Variants in UVRAG observed in about 807,000 individuals in gnomAD.
The protein encoded by UVRAG is UV radiation resistance associated.
Under a neutral mutation model 78.0 loss-of-function variants are expected in UVRAG, and 19 were observed. The ratio of observed to expected loss-of-function variants is 0.24; its 90% CI spans 0.17 to 0.36. UVRAG has a LOEUF of 0.36. UVRAG is among the 10% of genes least tolerant of loss of function. The probability of loss-of-function intolerance (pLI) is 1.00; values close to 1 mark genes in which losing one functional copy is unlikely to be tolerated. For missense variants in UVRAG, 740 were observed against 853.8 expected (o/e 0.87, Z 1.66); for synonymous variants, 323 against 324.6 (o/e 1.00, Z 0.05).
chr11:75,945,883 C>T (rs114792086), intron 6 of UVRAG, among the ~76,000 whole-genome samples: 2,692 of 152,122 alleles, frequency 0.018, 73 homozygotes, highest in African/African-American at 0.061. Flanking sequence ...AATGTTGGCT[C>T]AGTGTTTACC....
At chr11:75,968,783 C>G (rs1230756828) in intron 7 of UVRAG, among the ~76,000 whole-genome samples, 1 of 152,100 alleles carries the variant, frequency 6.6e-6, no homozygotes, top group Non-Finnish European at 1.5e-5. Context: ...TGGAAAAATT[C>G]AAGTTAAGAA....
At chr11:75,950,896 T>C (rs559244936) in intron 6 of UVRAG, among the ~76,000 whole-genome samples, 47 of 151,968 alleles carry the variant, frequency 3.1e-4, no homozygotes, top group African/African-American at 1.1e-3. Context: ...AATTATTGGG[T>C]TGTTTATATT....
chr11:75,887,230 C>T (rs1218798065), intron 4 of UVRAG, among the ~76,000 whole-genome samples: 1 of 152,086 alleles, frequency 6.6e-6, no homozygotes, highest in Non-Finnish European at 1.5e-5. Context: ...ACTGCAACTT[C>T]CGCCTCCCGG....
At chr11:76,076,369 T>C (rs888416286) in intron 13 of UVRAG, among the ~76,000 whole-genome samples, 11 of 152,234 alleles carry the variant, frequency 7.2e-5, no homozygotes, top group African/African-American at 2.7e-4. Context: ...GCAATTTTAC[T>C]GTGTTACATG....
chr11:75,887,039 C>T (rs1402893666), intron 4 of UVRAG, among the ~76,000 whole-genome samples: 2 of 151,486 alleles, frequency 1.3e-5, no homozygotes, highest in Non-Finnish European at 2.9e-5. Flanking sequence ...GATCTCGGCT[C>T]ACTGCAAGCT....
At chr11:75,834,067 G>T (rs1945722233) in intron 1 of UVRAG, among the ~76,000 whole-genome samples, 1 of 152,080 alleles carries the variant, frequency 6.6e-6, no homozygotes, top group Non-Finnish European at 1.5e-5. Context: ...ATTTAACATC[G>T]ATACTTTAAT....
chr11:76,055,253 A>G (rs2134359311), intron 12 of UVRAG, among the ~76,000 whole-genome samples: 1 of 151,798 alleles, frequency 6.6e-6, no homozygotes, highest in African/African-American at 2.4e-5. Context: ...TTGCCATACT[A>G]CCCAAGCTGG....
At chr11:76,061,762 C>T (rs184554043) in intron 12 of UVRAG, among the ~76,000 whole-genome samples, 1 of 152,278 alleles carries the variant, frequency 6.6e-6, no homozygotes, top group Non-Finnish European at 1.5e-5. Context: ...ACACTCACCG[C>T]GAGGGTCCGC....
chr11:76,040,423 A>T (rs1950623477), intron 12 of UVRAG, among the ~76,000 whole-genome samples: 1 of 149,636 alleles, frequency 6.7e-6, no homozygotes. Context: ...CAGTGAGCCG[A>T]GATCACACCA....
chr11:76,002,084 C>T (rs1285578628), intron 8 of UVRAG, among the ~76,000 whole-genome samples: 3 of 152,126 alleles, frequency 2.0e-5, no homozygotes, highest in Non-Finnish European at 4.4e-5. Context: ...ATGTAGTATT[C>T]AGGTTGGTAA....
chr11:76,038,549 T>A (rs1950582790), intron 12 of UVRAG, among the ~76,000 whole-genome samples: 1 of 152,204 alleles, frequency 6.6e-6, no homozygotes, highest in African/African-American at 2.4e-5. Context: ...TTGAGCTTAC[T>A]TGGATTTTGG....
At chr11:75,945,861 A>G (rs923234904) in intron 6 of UVRAG, among the ~76,000 whole-genome samples, 1 of 151,824 alleles carries the variant, frequency 6.6e-6, no homozygotes, top group African/African-American at 2.4e-5. Flanking sequence ...GCTAATTCCT[A>G]CTTTTCCTTC....
intron 14 of UVRAG, among the ~76,000 whole-genome samples, chr11:76,116,438 G>A (rs994413767): frequency 2.6e-5 from 4 of 152,214 alleles, no homozygotes; most frequent in African/African-American, 9.7e-5. Flanking sequence ...TAAGGAATAG[G>A]TCAGGGGGTC....
chr11:76,063,465 T>G (rs1371031829), intron 12 of UVRAG, among the ~76,000 whole-genome samples: 1 of 152,260 alleles, frequency 6.6e-6, no homozygotes, highest in East Asian at 1.9e-4. Context: ...GATGGAATTC[T>G]GTCACACACG....
chr11:76,016,704 AT>A, intron 11 of UVRAG, 110 bp from the exon 12 acceptor site: 2 of 1,028,840 alleles, frequency 1.9e-6, no homozygotes, highest in South Asian at 3.2e-5. Context: ...AGTGGTTAAT[AT>A]TTTATGTACC....
chr11:75,960,289 A>G (rs2135198818), intron 6 of UVRAG, among the ~76,000 whole-genome samples: 1 of 152,148 alleles, frequency 6.6e-6, no homozygotes, highest in South Asian at 2.1e-4. Context: ...TACATACAGA[A>G]ATATAATTGA....
At chr11:76,028,921 A>C (rs761027511) in intron 12 of UVRAG, among the ~76,000 whole-genome samples, 5 of 152,182 alleles carry the variant, frequency 3.3e-5, no homozygotes, top group Non-Finnish European at 7.4e-5. Flanking sequence ...AGACAAAAAT[A>C]GCCTTCTGTT....
intron 12 of UVRAG, among the ~76,000 whole-genome samples, chr11:76,059,026 A>G (rs993744243): frequency 1.3e-5 from 2 of 152,232 alleles, no homozygotes; most frequent in Non-Finnish European, 2.9e-5. Context: ...AGGCCTCGAA[A>G]GGTAGGCAGA....
At chr11:76,048,722 T>C (rs1411974805) in intron 12 of UVRAG, among the ~76,000 whole-genome samples, 1 of 152,246 alleles carries the variant, frequency 6.6e-6, no homozygotes, top group Non-Finnish European at 1.5e-5. Flanking sequence ...ATATTCACTT[T>C]AGAAAACTGA....
Sources: gnomAD v4.1 joint callset for allele counts (sites outside exome capture counted in the v4.1 genomes callset) on GRCh38, gnomAD v4.1.1 for gene constraint, MANE v1.5 for transcripts, NCBI Gene and HGNC (gene_info 2026-07-23, HGNC 2026-07-21) for gene names.